The following ROBO2 variants were observed in gnomAD, a reference collection of about 807,000 sequenced individuals.
ROBO2 encodes roundabout guidance receptor 2.
A neutral mutation model predicts 160.8 loss-of-function variants in ROBO2; 53 were observed. The ratio of observed to expected loss-of-function variants is 0.33; its 90% CI spans 0.26 to 0.41. ROBO2 has a LOEUF of 0.41. Ranked by LOEUF, ROBO2 falls within the 10% of genes least tolerant of loss-of-function variation. The pLI is 1.00. For synonymous variants in ROBO2, 664 were observed against 611.7 expected (o/e 1.09, Z -1.26); for missense variants, 1,577 against 1,722.4 (o/e 0.92, Z 1.49).
chr3:77,014,308 C>T (rs1372705904), intron 2 of ROBO2, among the ~76,000 whole-genome samples: 1 of 152,190 alleles, frequency 6.6e-6, no homozygotes, highest in African/African-American at 2.4e-5. Context: ...ATTCCTCTCT[C>T]ACAAGCAGCT....
At chr3:77,540,050 C>A (rs1458587258) in intron 6 of ROBO2, among the ~76,000 whole-genome samples, 2 of 152,108 alleles carry the variant, frequency 1.3e-5, no homozygotes, top group Non-Finnish European at 2.9e-5. Context: ...GAATGCTACA[C>A]GGAGAAGAAT....
chr3:75,983,081 C>G (rs1333709910), intron 2 of ROBO2, among the ~76,000 whole-genome samples: 3 of 151,300 alleles, frequency 2.0e-5, no homozygotes, highest in African/African-American at 7.3e-5. Context: ...GAAAAGGTTG[C>G]CCTAGATGTT....
intron 2 of ROBO2, among the ~76,000 whole-genome samples, chr3:76,039,246 G>A (rs2067209011): frequency 6.6e-6 from 1 of 151,910 alleles, no homozygotes; most frequent in Non-Finnish European, 1.5e-5. Context: ...ATAGAAGAGG[G>A]AAATACAGAG....
chr3:77,609,476 T>C (rs980702979), intron 21 of ROBO2, among the ~76,000 whole-genome samples: 19 of 152,058 alleles, frequency 1.2e-4, no homozygotes, highest in Non-Finnish European at 5.9e-5. Flanking sequence ...AGTAGTGCTG[T>C]TAAAGCTTTA....
intron 2 of ROBO2, among the ~76,000 whole-genome samples, chr3:77,282,616 A>G (rs2060313552): frequency 6.6e-6 from 1 of 152,178 alleles, no homozygotes; most frequent in Non-Finnish European, 1.5e-5. Flanking sequence ...ATCCACAACC[A>G]TTCATACTTG....
At chr3:76,517,154 C>T (rs2081382478) in intron 2 of ROBO2, among the ~76,000 whole-genome samples, 1 of 152,038 alleles carries the variant, frequency 6.6e-6, no homozygotes, top group Non-Finnish European at 1.5e-5. Context: ...GCCAGTGTTT[C>T]CTGGGGACAT....
At chr3:76,707,556 T>C (rs191372373) in intron 2 of ROBO2, among the ~76,000 whole-genome samples, 25 of 151,902 alleles carry the variant, frequency 1.6e-4, no homozygotes, top group Non-Finnish European at 3.5e-4. Context: ...CCAAGGCTGG[T>C]GACTCCTCCC....
At chr3:76,624,315 T>A (rs780561931) in intron 2 of ROBO2, among the ~76,000 whole-genome samples, 2 of 152,068 alleles carry the variant, frequency 1.3e-5, no homozygotes, top group Non-Finnish European at 2.9e-5. Flanking sequence ...CTCAGCTGAG[T>A]CCCTTCCGGG....
At chr3:76,286,803 T>C (rs1479040445) in intron 2 of ROBO2, among the ~76,000 whole-genome samples, 1 of 152,186 alleles carries the variant, frequency 6.6e-6, no homozygotes, top group Non-Finnish European at 1.5e-5. Flanking sequence ...TGATTGCTCA[T>C]TAATTTTTTT....
chr3:76,045,882 A>G (rs1046733728), intron 2 of ROBO2, among the ~76,000 whole-genome samples: 8 of 151,412 alleles, frequency 5.3e-5, no homozygotes, highest in African/African-American at 1.9e-4. Flanking sequence ...TTTTATTTTT[A>G]TTTTTATTTT....
chr3:77,596,479 G>T, intron 18 of ROBO2, 144 bp from the exon 20 acceptor site: 1 of 1,016,864 alleles, frequency 9.8e-7, no homozygotes, highest in Non-Finnish European at 1.5e-6. Context: ...AATTGCTGGA[G>T]TTCTTTAATT....
intron 2 of ROBO2, among the ~76,000 whole-genome samples, chr3:76,410,899 A>T (rs747722630): frequency 1.1e-4 from 17 of 152,208 alleles, no homozygotes; most frequent in Admixed American, 3.9e-4. Context: ...AGTAAGAAGT[A>T]GGATTTTGGT....
At chr3:76,684,405 G>T (rs1472143391) in intron 2 of ROBO2, among the ~76,000 whole-genome samples, 1 of 152,042 alleles carries the variant, frequency 6.6e-6, no homozygotes, top group East Asian at 1.9e-4. Flanking sequence ...CCATGTATAC[G>T]GTGAGTTAAT....
intron 14 of ROBO2, 36 bp downstream of exon 15, chr3:77,574,766 A>G: frequency 2.7e-6 from 4 of 1,491,284 alleles, no homozygotes; most frequent in Non-Finnish European, 9.3e-7. Context: ...ATCAAACATG[A>G]TGAAACCAAT....
At chr3:76,971,834 T>C (rs2059586749) in intron 2 of ROBO2, among the ~76,000 whole-genome samples, 1 of 152,224 alleles carries the variant, frequency 6.6e-6, no homozygotes, top group Admixed American at 6.5e-5. Flanking sequence ...GGTTCTATAC[T>C]AGACCCATTG....
intron 2 of ROBO2, among the ~76,000 whole-genome samples, chr3:76,665,244 A>T (rs2091973980): frequency 6.6e-6 from 1 of 152,090 alleles, no homozygotes. Context: ...GTAAGTCCTG[A>T]TAACATCCAA....
chr3:76,772,019 C>T (rs1316786443), intron 2 of ROBO2, among the ~76,000 whole-genome samples: 1 of 151,110 alleles, frequency 6.6e-6, no homozygotes, highest in East Asian at 2.0e-4. Flanking sequence ...ATCAAAATAG[C>T]ATTAAGATTT....
At chr3:75,952,347 T>G (rs750062514) in intron 2 of ROBO2, among the ~76,000 whole-genome samples, 1 of 152,004 alleles carries the variant, frequency 6.6e-6, no homozygotes, top group Non-Finnish European at 1.5e-5. Flanking sequence ...TTCTGCTTTA[T>G]AACATAAAGA....
intron 2 of ROBO2, among the ~76,000 whole-genome samples, chr3:77,174,834 C>A (rs930838249): frequency 6.6e-6 from 1 of 151,920 alleles, no homozygotes; most frequent in African/African-American, 2.4e-5. Flanking sequence ...AAGAAAAATT[C>A]TATAAGATTT....
Sources: gnomAD v4.1 joint callset for allele counts (sites outside exome capture counted in the v4.1 genomes callset) on GRCh38, gnomAD v4.1.1 for gene constraint, MANE v1.5 for transcripts, NCBI Gene and HGNC (gene_info 2026-07-23, HGNC 2026-07-21) for gene names.